The following LASP1 variants were observed in gnomAD, a reference collection of about 807,000 sequenced individuals.
The protein encoded by LASP1 is LIM and SH3 protein 1.
LASP1 carries 10 observed loss-of-function variants against 38.6 expected under a neutral mutation model. The observed-to-expected ratio is 0.26, with a 90% CI of 0.16 to 0.44. The LOEUF is 0.44. Among genes scored for constraint, LASP1 ranks in the 20% least tolerant of loss-of-function variants. The probability of loss-of-function intolerance (pLI) is 1.00; values close to 1 mark genes in which losing one functional copy is unlikely to be tolerated. For missense variants in LASP1, 243 were observed against 375.7 expected (o/e 0.65, Z 2.92); for synonymous variants, 132 against 140.8 (o/e 0.94, Z 0.44).
intron 1 of LASP1, among the ~76,000 whole-genome samples, chr17:38,875,089 G>GTGTGTGTGTGT (rs1555553217): frequency 3.6e-4 from 40 of 111,534 alleles, no homozygotes; most frequent in African/African-American, 1.2e-3. Flanking sequence ...GTGTGTGTGT[G>GTGTGTGTGTGT]AGAAAGTGGG....
chr17:38,918,837 G>T lies in LASP1; in HGVS notation c.*59G>T, dbSNP rs367595744. The T allele has an allele frequency of 5.7e-6, 9 of 1,570,196 alleles. No homozygotes were observed. Among genetic ancestry groups the T allele is most frequent in the African/African-American group, 5.4e-5 (4 of 74,102 alleles). On this transcript the variant is annotated 3_prime_UTR_variant, in exon 7 of 7. Transcript: ENST00000318008. This position sits in a 1 kb window ranked among gnomAD's most constrained non-coding sequence, Gnocchi z 4.4. Reference sequence around the variant, plus strand: ...CCACGGCATCGCATCCGTCCTGGGCGTGACCCGTCCATTCTTCAGTGTCTC... The same window carrying T: ...CCACGGCATCGCATCCGTCCTGGGCTTGACCCGTCCATTCTTCAGTGTCTC...
chr17:38,905,389 G>A (rs7212657), intron 4 of LASP1, among the ~76,000 whole-genome samples: 28,085 of 151,866 alleles, frequency 0.18, 2,874 homozygotes, highest in Non-Finnish European at 0.23. Flanking sequence ...TTAGCCGGGT[G>A]TGGTGGCGCA....
intron 1 of LASP1, among the ~76,000 whole-genome samples, chr17:38,875,612 A>G (rs997457363): frequency 3.9e-5 from 6 of 152,000 alleles, no homozygotes; most frequent in Non-Finnish European, 5.9e-5. Context: ...ATATTCCACC[A>G]TTAGGTTTTT....
At chr17:38,875,502 C>A (rs960361329) in intron 1 of LASP1, among the ~76,000 whole-genome samples, 11 of 152,062 alleles carry the variant, frequency 7.2e-5, no homozygotes, top group African/African-American at 2.7e-4. Context: ...GGGATAGGCC[C>A]AGGTTGGGGA....
chr17:38,878,033 C>G, intron 1 of LASP1, 53 bp from the exon 2 acceptor site: 2 of 1,397,788 alleles, frequency 1.4e-6, no homozygotes, highest in Non-Finnish European at 2.0e-6. Context: ...GGCCTGAGCC[C>G]CTTTTTCAGA....
chr17:38,903,861 T>C (rs1198437585), intron 4 of LASP1: 2 of 152,208 alleles, frequency 1.3e-5, no homozygotes, highest in African/African-American at 2.4e-5. Flanking sequence ...GGTGAGTAGT[T>C]GTGTCATCAT....
rs1567706264 is a variant in LASP1, at chr17:38,915,169, G to A, written c.612+23G>A. The A allele has an allele frequency of 1.9e-6, 3 of 1,597,178 alleles. No homozygotes were observed. In the South Asian group the frequency reaches 3.3e-5, roughly 18 times the overall value. On this transcript the variant is annotated intron_variant, in intron 6 of 6. Coordinates refer to ENST00000318008, the MANE Select transcript of LASP1 (RefSeq NM_006148.4). The stretch of plus-strand genomic sequence containing the variant: ...GGGGTGAGTAACCCTGGCCGGAGGG[G>A]AGAGGCCAGAGGCAGGGGGTCCTTC...
chr17:38,880,595 G>A (rs2143741084), intron 2 of LASP1, among the ~76,000 whole-genome samples: 1 of 152,312 alleles, frequency 6.6e-6, no homozygotes. Flanking sequence ...TCCTGGGAAG[G>A]AGCCTAGTGA....
At chr17:38,879,291 G>A (rs760485256) in intron 2 of LASP1, among the ~76,000 whole-genome samples, 2 of 150,950 alleles carry the variant, frequency 1.3e-5, no homozygotes, top group Non-Finnish European at 2.9e-5. Flanking sequence ...GAGTAGCTGG[G>A]ATTACAGATG....
chr17:38,870,310 A>C, intron 1 of LASP1, 52 bp downstream of exon 1: 1 of 1,593,970 alleles, frequency 6.3e-7, no homozygotes, highest in Non-Finnish European at 8.6e-7. Flanking sequence ...AGTGCTCCGA[A>C]TCCAGGGAGG....
chr17:38,894,634 A>G (rs1914434979), intron 3 of LASP1, among the ~76,000 whole-genome samples: 1 of 152,192 alleles, frequency 6.6e-6, no homozygotes, highest in Non-Finnish European at 1.5e-5. Context: ...GAACTTGGAC[A>G]TGAAGAAGCT....
chr17:38,877,282 G>T (rs1398770188), intron 1 of LASP1, among the ~76,000 whole-genome samples: 1 of 152,196 alleles, frequency 6.6e-6, no homozygotes, highest in Non-Finnish European at 1.5e-5. Context: ...CTGAGGTGCA[G>T]GGCCCCGCCC....
rs1231906215 is a variant in LASP1 at position 38,876,253 on chromosome 17, A to C, written c.70-1833A>C. On this transcript the variant is annotated intron_variant, in intron 1 of 6. Transcript: ENST00000318008. Reference sequence around the variant, plus strand: ...GAGTGCAGTGGCACAATCTTGGCTCACTGCAACCTCCACCTCCTGGGTTTA... The same window carrying C: ...GAGTGCAGTGGCACAATCTTGGCTCCCTGCAACCTCCACCTCCTGGGTTTA... Among the ~76,000 whole-genome samples, 5 of 143,110 alleles carry C rather than the reference A, an allele frequency of 3.5e-5. No individual in the cohort carries two copies. The South Asian group carries it at 1.1e-3, about 31-fold the overall frequency. The allele number at this position is 143,110 out of a possible 152,430, so 93.9% of individuals were successfully genotyped here.
intron 2 of LASP1, among the ~76,000 whole-genome samples, chr17:38,886,874 CTT>C (rs1178051147): frequency 6.6e-6 from 1 of 152,164 alleles, no homozygotes; most frequent in Non-Finnish European, 1.5e-5. Context: ...GTCTGGCGGT[CTT>C]TGGGCACTGG....
In LASP1 at chr17:38,918,710, A is replaced by T. The variant is rs1254220401; in HGVS notation, c.718A>T (p.Met240Leu). The T allele has an allele frequency of 6.2e-7, 1 of 1,614,114 alleles. No homozygotes were observed. Among genetic ancestry groups the T allele is most frequent in the Non-Finnish European group, 8.5e-7 (1 of 1,180,002 alleles). The change falls in exon 7 of 7, where the codon ATG becomes TTG. Residue 240 changes from methionine to leucine, a missense_variant. By Grantham distance (15) the Met-to-Leu change is conservative. Transcript: ENST00000318008. The surrounding 1 kb of genome is among the most constrained non-coding windows in gnomAD (Gnocchi z 4.4). ...CGTGCAGCAGATCGACGACGGCTGGATGTACGGGACGGTGGAGCGCACCGG... is the reference window on the plus strand; with the variant it reads ...CGTGCAGCAGATCGACGACGGCTGGTTGTACGGGACGGTGGAGCGCACCGG... ...VNVQQIDDGW[M>L]YGTVERTGDT... is the part of the protein sequence containing the mutation.
chr17:38,884,900 A>G (rs1476938591), intron 2 of LASP1, among the ~76,000 whole-genome samples: 1 of 152,090 alleles, frequency 6.6e-6, no homozygotes, highest in Non-Finnish European at 1.5e-5. Flanking sequence ...CACGTTGGCC[A>G]GACTGGTCTT....
At position 38,920,784 on chromosome 17, in the gene LASP1, G is replaced by C. The variant is rs564334272; in HGVS notation, c.*2006G>C. 1.7e-5 allele frequency: 4 copies of C among 232,976 alleles called. No homozygotes were observed. Among genetic ancestry groups the C allele is most frequent in the Admixed American group, 5.6e-5 (1 of 17,752 alleles). 14.4% of individuals were successfully genotyped at this position (232,976 alleles called of 1,614,324 possible). A position where few individuals can be genotyped will look rare whatever the true frequency, so the allele number is the denominator to read the frequency against. Reference sequence around the variant, plus strand: ...TGGAATATCTTATATTGGGCGATTTGGGGGCTCGGGGAGGCAGAGAATCTC... The same window carrying C: ...TGGAATATCTTATATTGGGCGATTTCGGGGCTCGGGGAGGCAGAGAATCTC... On this transcript the variant is annotated 3_prime_UTR_variant, in exon 7 of 7. Coordinates refer to ENST00000318008, the MANE Select transcript of LASP1 (RefSeq NM_006148.4).
chr17:38,908,580 C>T (rs1485973594), intron 4 of LASP1, among the ~76,000 whole-genome samples: 1 of 152,232 alleles, frequency 6.6e-6, no homozygotes, highest in Non-Finnish European at 1.5e-5. Context: ...TGTGCTGCCA[C>T]GTGGGTGCCG....
At chr17:38,886,004 C>CG (rs1914115857) in intron 2 of LASP1, among the ~76,000 whole-genome samples, 3 of 152,286 alleles carry the variant, frequency 2.0e-5, no homozygotes, top group East Asian at 3.9e-4. Context: ...GACACAGTCT[C>CG]CTGACTTTGC....
Sources: allele counts gnomAD v4.1 joint callset (sites outside exome capture counted in the v4.1 genomes callset), GRCh38; gene constraint gnomAD v4.1.1; non-coding constraint Gnocchi (gnomAD v3.1); transcripts MANE v1.5; gene names NCBI Gene and HGNC (gene_info 2026-07-23, HGNC 2026-07-21).